Variants in NAV1 observed in about 807,000 individuals in gnomAD.
NAV1 encodes the protein pore membrane and/or filament interacting like protein 3.
In NAV1, 18 loss-of-function variants were observed where a neutral mutation model predicts 175.2. The ratio of observed to expected loss-of-function variants is 0.10; its 90% CI spans 0.07 to 0.15. The LOEUF is 0.15. NAV1 is among the 10% of genes least tolerant of loss of function. The pLI is 1.00. For synonymous variants in NAV1, 897 were observed against 978.7 expected, an observed-to-expected ratio of 0.92 and a Z score of 1.56; for missense variants, 1,731 against 2,436.6, an observed-to-expected ratio of 0.71 and a Z score of 6.10.
Position 201,718,804 on chromosome 1 carries a change from A to G in NAV1, c.1226+49A>G, listed in dbSNP as rs762811660. ...GGCGGGGGAGGATGGTGGAAAGACCACTGGGATGCGACGCCTTAAAAGTGG... is the reference window on the plus strand; with the variant it reads ...GGCGGGGGAGGATGGTGGAAAGACCGCTGGGATGCGACGCCTTAAAAGTGG... On this transcript the variant is annotated intron_variant, in intron 3 of 29. Coordinates refer to ENST00000367296, the Ensembl canonical transcript of NAV1. The surrounding 1 kb of genome is among the most constrained non-coding windows in gnomAD (Gnocchi z 4.8). The G allele has an allele frequency of 1.3e-6, 2 of 1,558,316 alleles. No individual in the cohort carries two copies. The highest frequency in any genetic ancestry group is 1.2e-5 in the South Asian group (1 of 82,626).
intron 3 of NAV1, among the ~76,000 whole-genome samples, chr1:201,743,904 T>C (rs1197194773): frequency 6.6e-6 from 1 of 152,198 alleles, no homozygotes; most frequent in African/African-American, 2.4e-5. Context: ...TTTTTTTGTT[T>C]TTTTGAGATG....
chr1:201,685,784 G>A (rs1183022959), intron 1 of NAV1, among the ~76,000 whole-genome samples: 1 of 152,186 alleles, frequency 6.6e-6, no homozygotes, highest in Non-Finnish European at 1.5e-5. Flanking sequence ...TAGCCAGCTA[G>A]TGGCAGAGCA....
intron 1 of NAV1, among the ~76,000 whole-genome samples, chr1:201,705,061 C>T (rs1017678505): frequency 2.6e-5 from 4 of 152,184 alleles, no homozygotes; most frequent in African/African-American, 9.7e-5. Context: ...TCGAGGTATC[C>T]TCCCATCTCT....
chr1:201,658,600 G>A (rs1259618908), intron 1 of NAV1, among the ~76,000 whole-genome samples: 1 of 152,116 alleles, frequency 6.6e-6, no homozygotes, highest in Non-Finnish European at 1.5e-5. Context: ...GTTGGGGTGG[G>A]ATCATGGCTG....
exon 1 of NAV1, chr1:201,623,326 T>A (rs1358597055): frequency 8.1e-6 from 8 of 985,744 alleles, no homozygotes; most frequent in African/African-American, 1.7e-5. Context: ...CAGAAGCCCT[T>A]CTCGGACGAG....
intron 5 of NAV1, among the ~76,000 whole-genome samples, chr1:201,781,580 A>T (rs59309875): frequency 0.017 from 2,644 of 152,274 alleles, 73 homozygotes; most frequent in African/African-American, 0.059. Flanking sequence ...GAAGTATATT[A>T]TGTTTAGAGA....
intron 2 of NAV1, among the ~76,000 whole-genome samples, chr1:201,607,269 C>T (rs137900850): frequency 6.6e-6 from 1 of 151,988 alleles, no homozygotes; most frequent in Admixed American, 6.6e-5. Context: ...GCGTCCACCA[C>T]CACACCCAGC....
rs1571878981 is a variant in NAV1 at position 201,677,739 on chromosome 1, C to T, written c.757+28314C>T. On this transcript the variant is annotated intron_variant, in intron 1 of 29. Transcript: ENST00000367296. ...GCCTCCCAGGCATGGGCGACACTCC[C>T]ACCTCAGCTTCGTGAGTAGCTAGGA... Among the ~76,000 whole-genome samples, 5 of 152,282 alleles carry T rather than the reference C, an allele frequency of 3.3e-5. 1 individual carries two copies. Among genetic ancestry groups the T allele is most frequent in the Non-Finnish European group, 2.9e-5 (2 of 68,034 alleles).
intron 2 of NAV1, among the ~76,000 whole-genome samples, chr1:201,715,466 TTTAC>T (rs1241914834): frequency 1.3e-5 from 2 of 152,038 alleles, no homozygotes; most frequent in African/African-American, 4.8e-5. Flanking sequence ...TGCCGGCTCT[TTTAC>T]TTTTTAAAGG....
At chr1:201,625,992 A>G (rs571083159) in intron 1 of NAV1, among the ~76,000 whole-genome samples, 1 of 152,216 alleles carries the variant, frequency 6.6e-6, no homozygotes, top group Non-Finnish European at 1.5e-5. Context: ...CAGTCTCTGG[A>G]TTAGGGTTGG....
intron 1 of NAV1, chr1:201,674,078 C>T (rs1670152486): frequency 6.6e-6 from 1 of 152,026 alleles, no homozygotes; most frequent in Non-Finnish European, 1.5e-5. Flanking sequence ...GCCCAGGTGT[C>T]CAGGTGCCCA....
chr1:201,644,193 G>T (rs1668900002), upstream of NAV1, among the ~76,000 whole-genome samples: 1 of 152,168 alleles, frequency 6.6e-6, no homozygotes. Context: ...ATTGATCATT[G>T]ATGGTAGAAT....
chr1:201,610,128 C>T (rs567484890), intron 2 of NAV1, among the ~76,000 whole-genome samples: 1 of 152,314 alleles, frequency 6.6e-6, no homozygotes, highest in African/African-American at 2.4e-5. Context: ...GCACCTGCTT[C>T]CCATGCCAGC....
chr1:201,616,168 G>A (rs973145601), intron 2 of NAV1, among the ~76,000 whole-genome samples: 7 of 152,110 alleles, frequency 4.6e-5, no homozygotes, highest in African/African-American at 1.7e-4. Context: ...ACAGAGGAGA[G>A]AACTCAGAGG....
rs754960830 is a variant in NAV1 at position 201,626,751 on chromosome 1, A to G, written c.-100-2653A>G. Among the ~76,000 whole-genome samples the G allele has an allele frequency of 4.6e-5, 7 of 152,148 alleles. 1 individual carries two copies. The highest frequency in any genetic ancestry group is 2.6e-4 in the Admixed American group (4 of 15,280). ...TGGGTGGGCCTTGGGTTGGACTTCA[A>G]TTGGAACTATGGTTAATGGTATCAG... On this transcript the variant is annotated intron_variant, in intron 1 of 29. Transcript: ENST00000367302.
At chr1:201,729,148 G>T (rs1000464572) in intron 3 of NAV1, among the ~76,000 whole-genome samples, 1 of 152,148 alleles carries the variant, frequency 6.6e-6, no homozygotes, top group African/African-American at 2.4e-5. Context: ...CTTATGTTCT[G>T]TGATAAGCCA....
At chr1:201,639,676 C>T (rs648533) in intron 2 of NAV1, among the ~76,000 whole-genome samples, 75,767 of 151,672 alleles carry the variant, frequency 0.5, 19,436 homozygotes, top group Non-Finnish European at 0.57. Flanking sequence ...TCCCCTCCCA[C>T]GTCTGGAACA....
At chr1:201,620,305 A>G (rs555740707), upstream of NAV1, among the ~76,000 whole-genome samples, 3 of 152,272 alleles carry the variant, frequency 2.0e-5, no homozygotes, top group African/African-American at 4.8e-5. Context: ...CTTTGTCTTC[A>G]TCTTCATCCA....
At chr1:201,786,469 C>G (rs1047886501) in exon 9 of NAV1, 4 of 1,613,838 alleles carry the variant, frequency 2.5e-6, no homozygotes, top group Non-Finnish European at 3.4e-6. Flanking sequence ...GGAGAGGCGA[C>G]ATTCCCATAC....
Sources: allele counts gnomAD v4.1 joint callset (sites outside exome capture counted in the v4.1 genomes callset), GRCh38; gene constraint gnomAD v4.1.1; non-coding constraint Gnocchi (gnomAD v3.1); transcripts MANE v1.5; gene names NCBI Gene and HGNC (gene_info 2026-07-23, HGNC 2026-07-21).